The following MFGE8 variants were observed in gnomAD, a reference collection of about 807,000 sequenced individuals.
MFGE8 encodes milk fat globule EGF and factor V/VIII domain containing.
A neutral mutation model predicts 42.6 loss-of-function variants in MFGE8; 34 were observed. The ratio of observed to expected loss-of-function variants is 0.80; its 90% CI spans 0.61 to 1.06. MFGE8 has a LOEUF of 1.06. MFGE8 is among the 50% of genes least tolerant of loss of function. The pLI is 0.00. For synonymous variants in MFGE8, 230 were observed against 214.8 expected (o/e 1.07, Z -0.62); for missense variants, 510 against 516.9 (o/e 0.99, Z 0.13).
rs978651226 is a variant in MFGE8 at position 88,899,947 on chromosome 15, T to C, written c.871-136A>G. The C allele has an allele frequency of 3.1e-5, 32 of 1,040,734 alleles. No individual in the cohort carries two copies. Among genetic ancestry groups the C allele is most frequent in the South Asian group, 1.4e-4 (10 of 73,450 alleles). The allele number at this position is 1,040,734 out of a possible 1,614,324, so 64.5% of individuals were successfully genotyped here. Reference sequence around the variant, plus strand: ...AGCCTCAGTTTCTTTGGCTATAAAATGGGCATAAGGCCGGACATGGTGTCT... The same window carrying C: ...AGCCTCAGTTTCTTTGGCTATAAAACGGGCATAAGGCCGGACATGGTGTCT... On this transcript the variant is annotated intron_variant, in intron 6 of 7. Coordinates refer to ENST00000268150, the MANE Select transcript of MFGE8 (RefSeq NM_005928.4). This position sits in a 1 kb window ranked among gnomAD's most constrained non-coding sequence, Gnocchi z 6.8.
In MFGE8 at chr15:88,902,001, C is replaced by G. The variant is rs1898458639; in HGVS notation, c.686-266G>C. 1.1e-5 allele frequency: 5 copies of G among 473,502 alleles called. No individual in the cohort carries two copies. Among genetic ancestry groups the G allele is most frequent in the Non-Finnish European group, 2.0e-5 (5 of 255,158 alleles). 29.3% of individuals were successfully genotyped at this position (473,502 alleles called of 1,614,324 possible). On this transcript the variant is annotated intron_variant, in intron 5 of 7. Coordinates refer to ENST00000268150, the MANE Select transcript of MFGE8 (RefSeq NM_005928.4). The surrounding 1 kb of genome is among the most constrained non-coding windows in gnomAD (Gnocchi z 4.3). ...CCACTCACCACCCTTCTCCTCTGCACCAGGGAAGGCCCCTGCTCCACCACC... is the reference window on the plus strand; with the variant it reads ...CCACTCACCACCCTTCTCCTCTGCAGCAGGGAAGGCCCCTGCTCCACCACC...
chr15:88,912,316 G>C, intron 1 of MFGE8: 3 of 1,271,964 alleles, frequency 2.4e-6, no homozygotes, highest in South Asian at 2.6e-5. Flanking sequence ...CATGGTGGCC[G>C]GGGAGGGCCA....
intron 6 of MFGE8, 44 bp downstream of exon 6, chr15:88,901,507 A>T: frequency 7.9e-7 from 1 of 1,257,916 alleles, no homozygotes; most frequent in Non-Finnish European, 1.2e-6. Flanking sequence ...GTCCCACCTC[A>T]TCCCACCCAA....
chr15:88,912,181 A>G (rs1472178768), intron 1 of MFGE8: 6 of 1,289,862 alleles, frequency 4.7e-6, no homozygotes, highest in Non-Finnish European at 6.1e-6. Flanking sequence ...ATCACCCTGT[A>G]TAAAAACATC....
chr15:88,905,519 G>C lies in MFGE8; in HGVS notation c.685+238C>G, dbSNP rs1440547400. Reference sequence around the variant, plus strand: ...AAGAAGGGAAAATACTTTGAAAACTGATGTCTTTTTCTCTATCAATCAGAA... The same window carrying C: ...AAGAAGGGAAAATACTTTGAAAACTCATGTCTTTTTCTCTATCAATCAGAA... On this transcript the variant is annotated intron_variant, in intron 5 of 7. Transcript: ENST00000268150. This position sits in a 1 kb window ranked among gnomAD's most constrained non-coding sequence, Gnocchi z 6.6. 5.8e-6 allele frequency: 4 copies of C among 685,986 alleles called. No individual in the cohort carries two copies. The highest frequency in any genetic ancestry group is 1.1e-5 in the Non-Finnish European group (4 of 376,194). 42.5% of individuals were successfully genotyped at this position (685,986 alleles called of 1,614,324 possible).
intron 6 of MFGE8, among the ~76,000 whole-genome samples, chr15:88,901,098 CAAAT>C (rs201090437): frequency 2.0e-4 from 13 of 66,602 alleles, no homozygotes; most frequent in South Asian, 1.5e-3. Context: ...CACACATTCA[CAAAT>C]ACACATTCAC....
rs1332080008 is a variant in MFGE8, at chr15:88,912,494, G to C, written c.73+753C>G. 3.0e-6 allele frequency: 3 copies of C among 985,274 alleles called. No individual in the cohort carries two copies. In the Admixed American group the frequency reaches 1.8e-4, roughly 61 times the overall value. The allele number at this position is 985,274 out of a possible 1,614,324, so 61.0% of individuals were successfully genotyped here. On this transcript the variant is annotated intron_variant, in intron 1 of 7. Transcript: ENST00000268150. ...GGGCCACCTAAAGAGTCCTGGCCCT[G>C]ACTCCCTCCCAGCGCTCCACGGTGA...
intron 1 of MFGE8, chr15:88,912,192 T>G: frequency 7.8e-7 from 1 of 1,289,448 alleles, no homozygotes; most frequent in Non-Finnish European, 1.0e-6. Flanking sequence ...TAAAAACATC[T>G]TTGGGACTTC....
chr15:88,906,307 T>C lies in MFGE8; in HGVS notation c.540+319A>G, dbSNP rs552459307. On this transcript the variant is annotated intron_variant, in intron 4 of 7. Transcript: ENST00000268150. The surrounding 1 kb of genome is among the most constrained non-coding windows in gnomAD (Gnocchi z 4.2). ...GCTTAGCAATGACATCCTTGAGCAG[T>C]GTACAACCTACACAACTGTACATGT... 14 of 462,608 alleles carry C rather than the reference T, an allele frequency of 3.0e-5. No individual in the cohort carries two copies. The East Asian group carries it at 5.8e-4, about 19-fold the overall frequency. The allele number at this position is 462,608 out of a possible 1,614,324, so 28.7% of individuals were successfully genotyped here.
At chr15:88,911,423 G>A (rs1440304906) in intron 1 of MFGE8, among the ~76,000 whole-genome samples, 2 of 152,166 alleles carry the variant, frequency 1.3e-5, no homozygotes, top group Non-Finnish European at 2.9e-5. Context: ...AGCAAGACAT[G>A]AGACATCTTT....
intron 1 of MFGE8, among the ~76,000 whole-genome samples, chr15:88,911,736 A>G (rs1451838156): frequency 8.1e-6 from 1 of 123,924 alleles, no homozygotes; most frequent in Non-Finnish European, 1.7e-5. Flanking sequence ...CAAAAAGAAA[A>G]AAGAAAAAAA....
chr15:88,906,572 G>A lies in MFGE8; in HGVS notation c.540+54C>T. The A allele has an allele frequency of 6.2e-7, 1 of 1,608,906 alleles. No homozygotes were observed. Among genetic ancestry groups the A allele is most frequent in the African/African-American group, 1.3e-5 (1 of 74,916 alleles). ...CGCTGGGGGTCCTCAGTCAATGCTA[G>A]AACCTTAGGGGGTATGGACCACAGC... On this transcript the variant is annotated intron_variant, in intron 4 of 7. Coordinates refer to ENST00000268150, the MANE Select transcript of MFGE8 (RefSeq NM_005928.4). This position sits in a 1 kb window ranked among gnomAD's most constrained non-coding sequence, Gnocchi z 4.2.
intron 1 of MFGE8, chr15:88,912,367 C>T (rs1395413265): frequency 1.1e-5 from 11 of 985,028 alleles, no homozygotes; most frequent in Non-Finnish European, 1.3e-5. Context: ...ACTCTGGAAG[C>T]TCTAGCCCCG....
rs576111062 is a variant in MFGE8 at position 88,908,310 on chromosome 15, G to A, written c.206-934C>T. ...CAGTGTTAGCGCACTCTGGCAGGGAGGGGAACGCGCAAAGTGAGGCCAGAG... is the reference window on the plus strand; with the variant it reads ...CAGTGTTAGCGCACTCTGGCAGGGAAGGGAACGCGCAAAGTGAGGCCAGAG... On this transcript the variant is annotated intron_variant, in intron 2 of 7. Coordinates refer to ENST00000268150, the MANE Select transcript of MFGE8 (RefSeq NM_005928.4). Among the ~76,000 whole-genome samples the A allele has an allele frequency of 2.0e-5, 3 of 152,304 alleles. No homozygotes were observed. The East Asian group carries it at 5.8e-4, about 29-fold the overall frequency.
intron 2 of MFGE8, among the ~76,000 whole-genome samples, chr15:88,908,899 G>A (rs999947062): frequency 3.3e-5 from 5 of 151,556 alleles, no homozygotes; most frequent in South Asian, 2.1e-4. Flanking sequence ...CAAGCCCCCC[G>A]CCCCCTCCTT....
At chr15:88,901,137 TCA>T (rs780288948) in intron 6 of MFGE8, among the ~76,000 whole-genome samples, 7,648 of 64,340 alleles carry the variant, frequency 0.12, 1,092 homozygotes, top group South Asian at 0.23. Flanking sequence ...ACACACACAT[TCA>T]CACACACATT....
In MFGE8 at chr15:88,899,240, G is replaced by A; in HGVS notation, c.*155C>T. 1 of 1,016,750 alleles carries A rather than the reference G, an allele frequency of 9.8e-7. No individual in the cohort carries two copies. Among genetic ancestry groups the A allele is most frequent in the South Asian group, 1.5e-5 (1 of 66,852 alleles). The allele number at this position is 1,016,750 out of a possible 1,614,324, so 63.0% of individuals were successfully genotyped here. A position where few individuals can be genotyped will look rare whatever the true frequency, so the allele number is the denominator to read the frequency against. ...CAGGGCCCGTGAGAGGTGGAGGGTGGGAAAGAGGGAGGGAGGGGTGACTGT... is the reference window on the plus strand; with the variant it reads ...CAGGGCCCGTGAGAGGTGGAGGGTGAGAAAGAGGGAGGGAGGGGTGACTGT... On this transcript the variant is annotated 3_prime_UTR_variant, in exon 8 of 8. Coordinates refer to ENST00000268150, the MANE Select transcript of MFGE8 (RefSeq NM_005928.4). This position sits in a 1 kb window ranked among gnomAD's most constrained non-coding sequence, Gnocchi z 6.8.
At chr15:88,901,360 C>T (rs1389942729) in intron 6 of MFGE8, among the ~76,000 whole-genome samples, 191 bp downstream of exon 6, 1 of 152,106 alleles carries the variant, frequency 6.6e-6, no homozygotes, top group Non-Finnish European at 1.5e-5. Flanking sequence ...CTTTCTCCAC[C>T]TTGGTGGAAG....
chr15:88,899,939 C>T lies in MFGE8; in HGVS notation c.871-128G>A. On this transcript the variant is annotated intron_variant, in intron 6 of 7. Transcript: ENST00000268150. The surrounding 1 kb of genome is among the most constrained non-coding windows in gnomAD (Gnocchi z 6.8). ...CTTGGGTGAGCCTCAGTTTCTTTGG[C>T]TATAAAATGGGCATAAGGCCGGACA... 8.8e-7 allele frequency: 1 copy of T among 1,138,600 alleles called. No individual in the cohort carries two copies. The highest frequency in any genetic ancestry group is 1.3e-6 in the Non-Finnish European group (1 of 775,048). 70.5% of individuals were successfully genotyped at this position (1,138,600 alleles called of 1,614,324 possible). A position where few individuals can be genotyped will look rare whatever the true frequency, so the allele number is the denominator to read the frequency against.
Sources: allele counts gnomAD v4.1 joint callset (sites outside exome capture counted in the v4.1 genomes callset), GRCh38; gene constraint gnomAD v4.1.1; non-coding constraint Gnocchi (gnomAD v3.1); transcripts MANE v1.5; gene names NCBI Gene and HGNC (gene_info 2026-07-23, HGNC 2026-07-21).